Variants in DNAH5 observed in about 807,000 individuals in gnomAD.
DNAH5 encodes the protein dynein axonemal heavy chain 5.
A neutral mutation model predicts 518.2 loss-of-function variants in DNAH5; 372 were observed. The observed-to-expected ratio is 0.72, with a 90% confidence interval of 0.66 to 0.78. DNAH5 has a LOEUF of 0.78. Ranked by LOEUF, DNAH5 falls within the 30% of genes least tolerant of loss-of-function variation. The pLI is 0.00. For missense variants in DNAH5, 5,523 were observed against 5,687.0 expected (o/e 0.97, Z 0.93); for synonymous variants, 2,039 against 2,025.9 (o/e 1.01, Z -0.17).
intron 22 of DNAH5, among the ~76,000 whole-genome samples, chr5:13,873,974 T>G (rs1177618051): frequency 6.6e-6 from 1 of 152,188 alleles, no homozygotes; most frequent in Non-Finnish European, 1.5e-5. Context: ...CTGATTATTT[T>G]AAGTAAATTG....
chr5:13,780,168 T>A (rs762697462), intron 53 of DNAH5, among the ~76,000 whole-genome samples: 1 of 152,222 alleles, frequency 6.6e-6, no homozygotes, highest in Non-Finnish European at 1.5e-5. Context: ...GTCTTCCTCA[T>A]ATTGAGGTTT....
intron 43 of DNAH5, 131 bp from the exon 44 acceptor site, chr5:13,811,954 C>T (rs1450119946): frequency 1.3e-6 from 1 of 768,420 alleles, no homozygotes; most frequent in African/African-American, 1.8e-5. Context: ...ACACTATGTT[C>T]CAGGCTTTGT....
rs200839716 is a variant in DNAH5 at position 13,776,687 on chromosome 5, C to A, written c.9125G>T (p.Arg3042Leu). Residue 3042 changes from arginine (R) to leucine (L), a missense_variant, in exon 55 of 79, where the codon CGA (arginine) becomes CTA (leucine). Physicochemically the swap from Arg to Leu is moderately radical, Grantham distance 102. Transcript: ENST00000265104. ...SSGEVSNLFA[R>L]DEIDEINSDL... ...GCTATTAATTTCATCAATTTCATCT[C>A]GAGCAAATAGGTTAGAGACCTTAAA... The A allele has an allele frequency of 1.0e-4, 163 of 1,613,506 alleles. No individual in the cohort carries two copies. Among genetic ancestry groups the A allele is most frequent in the Non-Finnish European group, 1.3e-4 (155 of 1,179,758 alleles).
At chr5:13,837,961 A>G (rs1048538512) in intron 35 of DNAH5, among the ~76,000 whole-genome samples, 2 of 151,936 alleles carry the variant, frequency 1.3e-5, no homozygotes, top group Non-Finnish European at 2.9e-5. Flanking sequence ...CGGCCTCCCA[A>G]AGCGCTGGGA....
At chr5:13,794,442 A>C (rs543352473) in intron 47 of DNAH5, among the ~76,000 whole-genome samples, 1 of 152,290 alleles carries the variant, frequency 6.6e-6, no homozygotes, top group Admixed American at 6.5e-5. Flanking sequence ...CTGTGTGAGA[A>C]GCTTCTGAGG....
chr5:13,855,560 C>T (rs11750146), intron 30 of DNAH5, among the ~76,000 whole-genome samples: 162 of 152,202 alleles, frequency 1.1e-3, no homozygotes, highest in Admixed American at 1.4e-3. Context: ...GACTTTAACA[C>T]CCCACTCTCA....
At chr5:13,920,332 A>G (rs1420846073) in intron 6 of DNAH5, 148 bp downstream of exon 6, 2 of 1,043,202 alleles carry the variant, frequency 1.9e-6, no homozygotes, top group South Asian at 1.3e-5. Context: ...TCATGACAGT[A>G]AAGGAAAACC....
rs1465821933 is a variant in DNAH5, at chr5:13,772,213, A to G, written c.9374-1233T>C. 2.6e-5 allele frequency among the ~76,000 whole-genome samples: 4 copies of G among 152,178 alleles called. No individual in the cohort carries two copies. In the East Asian group the frequency reaches 7.7e-4, roughly 29 times the overall value. ...TACCATGTGCCAGGCATGATGATCA[A>G]TGCTTTACTTGGCATTATGGGATAT... On this transcript the variant is annotated intron_variant, in intron 55 of 78. Coordinates refer to ENST00000265104, the MANE Select transcript of DNAH5 (RefSeq NM_001369.3).
intron 1 of DNAH5, among the ~76,000 whole-genome samples, chr5:13,987,043 C>A (rs1408625099): frequency 6.6e-6 from 1 of 152,144 alleles, no homozygotes; most frequent in Non-Finnish European, 1.5e-5. Context: ...GGAAAATTCT[C>A]CTTCCTTTCC....
chr5:13,816,763 G>A (rs1270692023), intron 42 of DNAH5, among the ~76,000 whole-genome samples: 2 of 152,044 alleles, frequency 1.3e-5, no homozygotes, highest in African/African-American at 2.4e-5. Context: ...TATTAAATGC[G>A]AGCGTCAATG....
chr5:13,944,774 T>C (rs1306371426), upstream of DNAH5, among the ~76,000 whole-genome samples: 3 of 152,220 alleles, frequency 2.0e-5, no homozygotes, highest in Non-Finnish European at 4.4e-5. Flanking sequence ...AACTGCTCGG[T>C]AGCAACACAA....
intron 65 of DNAH5, among the ~76,000 whole-genome samples, chr5:13,740,145 G>A (rs1210913608): frequency 6.6e-6 from 1 of 151,926 alleles, no homozygotes. Flanking sequence ...AAATTCATTG[G>A]CAAGTTCTAT....
chr5:13,834,852 G>C (rs897911127), intron 35 of DNAH5, among the ~76,000 whole-genome samples: 1 of 152,202 alleles, frequency 6.6e-6, no homozygotes, highest in African/African-American at 2.4e-5. Flanking sequence ...TGAGGACGTT[G>C]GCTTTTACTT....
rs879660901 is a variant in DNAH5 at position 13,707,536 on chromosome 5, C to T, written c.13338+587G>A. 6.6e-6 allele frequency among the ~76,000 whole-genome samples: 1 copy of T among 152,122 alleles called. No individual in the cohort carries two copies. Among genetic ancestry groups the T allele is most frequent in the Admixed American group, 6.5e-5 (1 of 15,282 alleles). Reference sequence around the variant, plus strand: ...TAGACACTGCCATGGGGTTGGAGCCCCAGAACAGTCCCTACAACCTGCCCC... The same window carrying T: ...TAGACACTGCCATGGGGTTGGAGCCTCAGAACAGTCCCTACAACCTGCCCC... On this transcript the variant is annotated intron_variant, in intron 76 of 78. Transcript: ENST00000265104. This position sits in a 1 kb window ranked among gnomAD's most constrained non-coding sequence, Gnocchi z 4.0.
chr5:13,781,650 C>T (rs1432475458), intron 52 of DNAH5, among the ~76,000 whole-genome samples: 2 of 151,862 alleles, frequency 1.3e-5, no homozygotes. Flanking sequence ...CATTTTTTGT[C>T]TTGCCGCCGC....
rs537016848 is a variant in DNAH5, at chr5:13,830,763, C to A, written c.5895G>T (p.Thr1965=). The A allele has an allele frequency of 1.2e-6, 2 of 1,614,062 alleles. No individual in the cohort carries two copies. The highest frequency in any genetic ancestry group is 1.7e-6 in the Non-Finnish European group (2 of 1,180,014). The change falls in exon 36 of 79, where the codon ACG becomes ACT. Residue 1965 remains threonine, a synonymous_variant. Transcript: ENST00000265104. ...ITPLTDRCYI[T]LAQALGMSMG... is the part of the protein sequence containing the mutation. ...TGCTCATTCCCAGAGCTTGAGCCAG[C>A]GTGATGTAACATCTGCATGGGTAGA...
chr5:13,964,764 G>A (rs1008634354), intron 1 of DNAH5, among the ~76,000 whole-genome samples: 1 of 152,204 alleles, frequency 6.6e-6, no homozygotes, highest in Admixed American at 6.5e-5. Context: ...TGATGCCAAC[G>A]TGTGTTTAAA....
chr5:13,777,506 A>G (rs1228791068), intron 53 of DNAH5, 151 bp from the exon 54 acceptor site: 2 of 595,734 alleles, frequency 3.4e-6, no homozygotes, highest in Non-Finnish European at 5.8e-6. Context: ...GTTACTGGTT[A>G]ATTTTTAAAA....
chr5:13,911,157 G>A (rs1775941978), intron 12 of DNAH5, among the ~76,000 whole-genome samples: 1 of 152,174 alleles, frequency 6.6e-6, no homozygotes, highest in African/African-American at 2.4e-5. Context: ...GAAGACATGT[G>A]GAAGTCTGAT....
Sources: gnomAD v4.1 joint callset for allele counts (sites outside exome capture counted in the v4.1 genomes callset) on GRCh38, gnomAD v4.1.1 for gene constraint, Gnocchi (gnomAD v3.1) non-coding constraint, MANE v1.5 for transcripts, NCBI Gene and HGNC (gene_info 2026-07-23, HGNC 2026-07-21) for gene names.